The following TENM2 variants were observed in gnomAD, a reference collection of about 807,000 sequenced individuals.
TENM2 encodes teneurin-2.
Under a neutral mutation model 245.2 loss-of-function variants are expected in TENM2, and 52 were observed. The observed-to-expected ratio is 0.21, with a 90% CI of 0.17 to 0.27. The LOEUF (loss-of-function observed/expected upper bound fraction) is 0.27, where lower values mean the gene tolerates loss of function less well. TENM2 is among the 10% of genes least tolerant of loss of function. The pLI is 1.00. For synonymous variants in TENM2, 1,363 were observed against 1,438.9 expected (o/e 0.95, Z 1.19); for missense variants, 3,046 against 3,666.8 (o/e 0.83, Z 4.37).
intron 7 of TENM2, among the ~76,000 whole-genome samples, chr5:168,083,253 T>C (rs528122326): frequency 2.6e-5 from 4 of 152,344 alleles, no homozygotes; most frequent in African/African-American, 7.2e-5. Flanking sequence ...CTCTGAGCCA[T>C]GTGCAGGATA....
the TENM2 span, among the ~76,000 whole-genome samples, chr5:167,194,248 A>G: frequency 1.3e-5 from 2 of 152,038 alleles, no homozygotes; most frequent in African/African-American, 2.4e-5. Context: ...GTGACACATT[A>G]AAAAACATAT....
chr5:167,911,469 G>T (rs1177426578), intron 3 of TENM2, among the ~76,000 whole-genome samples: 2 of 152,240 alleles, frequency 1.3e-5, no homozygotes, highest in Admixed American at 6.5e-5. Flanking sequence ...GGAGCTTGCC[G>T]TGAGCCGAGA....
chr5:167,358,582 C>G (rs563256762), intron 1 of TENM2, among the ~76,000 whole-genome samples: 1 of 151,738 alleles, frequency 6.6e-6, no homozygotes, highest in Non-Finnish European at 1.5e-5. Context: ...GAAAGTGACC[C>G]GGGGCTCAAT....
At chr5:167,329,389 C>CA (rs34894963) in intron 1 of TENM2, among the ~76,000 whole-genome samples, 74,239 of 129,472 alleles carry the variant, frequency 0.57, 20,448 homozygotes, top group Admixed American at 0.63. Flanking sequence ...ACTAAAAATA[C>CA]AAAAAAAAAA....
intron 3 of TENM2, among the ~76,000 whole-genome samples, chr5:167,879,440 T>A (rs1368956022): frequency 6.6e-6 from 1 of 152,164 alleles, no homozygotes; most frequent in East Asian, 1.9e-4. Flanking sequence ...GCTCCAGATA[T>A]GTTTCTTGTA....
At chr5:167,642,140 CAAA>C (rs34089047) in intron 2 of TENM2, among the ~76,000 whole-genome samples, 2 of 130,056 alleles carry the variant, frequency 1.5e-5, no homozygotes, top group Admixed American at 7.9e-5. Flanking sequence ...GACGCTGTCT[CAAA>C]AAAAAAAAAA....
chr5:167,142,027 G>A, the TENM2 span, among the ~76,000 whole-genome samples: 9 of 152,060 alleles, frequency 5.9e-5, no homozygotes, highest in Non-Finnish European at 1.0e-4. Flanking sequence ...ACTCGGAGGG[G>A]GGGGATGAAA....
chr5:167,997,274 G>A (rs1784120619), intron 5 of TENM2, among the ~76,000 whole-genome samples: 1 of 152,252 alleles, frequency 6.6e-6, no homozygotes, highest in East Asian at 1.9e-4. Flanking sequence ...CCTCAAGATT[G>A]CAGTTAACCA....
intron 3 of TENM2, among the ~76,000 whole-genome samples, chr5:167,907,392 T>C (rs1054966941): frequency 3.8e-4 from 58 of 150,882 alleles, no homozygotes; most frequent in Admixed American, 3.8e-3. Flanking sequence ...AAGGTGAACA[T>C]TGTCATTTTA....
chr5:167,807,151 A>G (rs899877376), intron 2 of TENM2, among the ~76,000 whole-genome samples: 5 of 145,246 alleles, frequency 3.4e-5, no homozygotes, highest in African/African-American at 1.3e-4. Context: ...AAAAAAAAAA[A>G]AAAAAGAAGA....
At chr5:167,262,835 G>T in the TENM2 span, among the ~76,000 whole-genome samples, 3 of 152,176 alleles carry the variant, frequency 2.0e-5, no homozygotes, top group South Asian at 4.2e-4. Flanking sequence ...TCACAAAAAT[G>T]CCATAGACTG....
intron 2 of TENM2, among the ~76,000 whole-genome samples, chr5:167,694,943 C>T (rs2150415824): frequency 6.6e-6 from 1 of 152,340 alleles, no homozygotes; most frequent in South Asian, 2.1e-4. Flanking sequence ...TGTTGACATT[C>T]CAGTTGAGCT....
At chr5:168,062,385 A>T in intron 7 of TENM2, 120 bp downstream of exon 9, 1 of 820,232 alleles carries the variant, frequency 1.2e-6, no homozygotes, top group Non-Finnish European at 1.9e-6. Context: ...GACAATAAAA[A>T]TGTTGGCGAG....
chr5:167,817,084 G>A (rs576110980), intron 2 of TENM2, among the ~76,000 whole-genome samples: 9 of 152,274 alleles, frequency 5.9e-5, no homozygotes, highest in African/African-American at 1.7e-4. Flanking sequence ...TAGCTTCAGC[G>A]AATGATGCAA....
At chr5:167,151,098 C>A in the TENM2 span, among the ~76,000 whole-genome samples, 1 of 152,270 alleles carries the variant, frequency 6.6e-6, no homozygotes, top group East Asian at 1.9e-4. Context: ...TTAAACCTCT[C>A]CTCCAGTCGA....
At chr5:167,677,633 G>T (rs1756420338) in intron 2 of TENM2, among the ~76,000 whole-genome samples, 1 of 150,954 alleles carries the variant, frequency 6.6e-6, no homozygotes, top group South Asian at 2.1e-4. Context: ...TTTCAACATA[G>T]ATTTCTATAG....
intron 1 of TENM2, among the ~76,000 whole-genome samples, chr5:167,359,898 C>T (rs1759597967): frequency 6.6e-6 from 1 of 152,154 alleles, no homozygotes; most frequent in African/African-American, 2.4e-5. Flanking sequence ...AGACCATCAT[C>T]CTTAGCAAAC....
intron 2 of TENM2, among the ~76,000 whole-genome samples, chr5:167,571,459 G>A (rs1273885097): frequency 2.0e-5 from 3 of 152,040 alleles, no homozygotes; most frequent in African/African-American, 7.2e-5. Context: ...TTACATTCCT[G>A]TAAGAAATAT....
chr5:168,246,047 AC>A lies in TENM2; in HGVS notation c.5818-709del, dbSNP rs529669103. Among the ~76,000 whole-genome samples the A allele has an allele frequency of 1.6e-3, 244 of 152,158 alleles. 4 individuals carry two copies. Among genetic ancestry groups the A allele is most frequent in the African/African-American group, 5.6e-3 (231 of 41,516 alleles). ...CAGGAGTTCGACACCAGCCTGGCCA[AC>A]ATGGTGAAACCCCGTCTCTACTAAA... On this transcript the variant is annotated intron_variant, in intron 26 of 28. Coordinates refer to ENST00000518659, the Ensembl canonical transcript of TENM2.
Sources: allele counts gnomAD v4.1 joint callset (sites outside exome capture counted in the v4.1 genomes callset), GRCh38; gene constraint gnomAD v4.1.1; transcripts MANE v1.5; gene names NCBI Gene and HGNC (gene_info 2026-07-23, HGNC 2026-07-21).